Variants in PLCB1 observed in about 807,000 individuals in gnomAD.
The protein encoded by PLCB1 is 1-phosphatidylinositol 4,5-bisphosphate phosphodiesterase beta-1.
A neutral mutation model predicts 161.8 loss-of-function variants in PLCB1; 46 were observed. That is an observed-to-expected ratio of 0.28 (90% CI 0.22 to 0.36). The LOEUF (loss-of-function observed/expected upper bound fraction) is 0.36. Among genes scored for constraint, PLCB1 ranks in the 10% least tolerant of loss-of-function variants. The pLI is 1.00. For synonymous variants in PLCB1, 517 were observed against 503.7 expected, an observed-to-expected ratio of 1.03 and a Z score of -0.35; for missense variants, 1,016 against 1,472.5, an observed-to-expected ratio of 0.69 and a Z score of 5.07.
intron 25 of PLCB1, among the ~76,000 whole-genome samples, chr20:8,760,789 A>G (rs927147323): frequency 6.6e-6 from 1 of 152,218 alleles, no homozygotes; most frequent in Admixed American, 6.5e-5. Flanking sequence ...CCAATAATAA[A>G]CTATATTTTA....
At chr20:8,875,208 A>T (rs1009309150) in intron 31 of PLCB1, among the ~76,000 whole-genome samples, 2 of 150,818 alleles carry the variant, frequency 1.3e-5, no homozygotes, top group African/African-American at 4.8e-5. Flanking sequence ...ATCTAGATAA[A>T]GATATCTATA....
At chr20:8,762,989 A>G (rs1982123168) in intron 25 of PLCB1, among the ~76,000 whole-genome samples, 1 of 152,224 alleles carries the variant, frequency 6.6e-6, no homozygotes, top group Non-Finnish European at 1.5e-5. Context: ...CATGTGAACT[A>G]TGACTTGATC....
chr20:8,345,359 C>T (rs182918170), intron 2 of PLCB1, among the ~76,000 whole-genome samples: 111 of 152,218 alleles, frequency 7.3e-4, no homozygotes, highest in Admixed American at 5.8e-3. Flanking sequence ...ATGTCCTCAG[C>T]GAATGACCCT....
At chr20:8,758,628 A>C (rs1455167567) in intron 24 of PLCB1, among the ~76,000 whole-genome samples, 2 of 152,186 alleles carry the variant, frequency 1.3e-5, no homozygotes, top group African/African-American at 4.8e-5. Context: ...TAAGAAGATG[A>C]CGTTATAAAC....
chr20:8,812,030 A>G lies in PLCB1; in HGVS notation c.3423+21769A>G, dbSNP rs551709682. ...ATTAGCAAGTGAAAAATTTTGTAAAACAGGGATTACAAGAGAGGAAGGTAT... is the reference window on the plus strand; with the variant it reads ...ATTAGCAAGTGAAAAATTTTGTAAAGCAGGGATTACAAGAGAGGAAGGTAT... On this transcript the variant is annotated intron_variant, in intron 31 of 31. Transcript: ENST00000338037. Among the ~76,000 whole-genome samples the G allele has an allele frequency of 1.6e-4, 24 of 152,298 alleles. No homozygotes were observed. The South Asian group carries it at 4.8e-3, about 30-fold the overall frequency.
intron 31 of PLCB1, 143 bp from the exon 32 acceptor site, chr20:8,881,479 T>G (rs1456202185): frequency 1.5e-6 from 1 of 677,250 alleles, no homozygotes; most frequent in Non-Finnish European, 2.6e-6. Context: ...TTGTTACATC[T>G]CCTCTATAGG....
intron 3 of PLCB1, among the ~76,000 whole-genome samples, chr20:8,514,904 C>T (rs58294166): frequency 0.086 from 13,158 of 152,124 alleles, 631 homozygotes; most frequent in Middle Eastern, 0.12. Context: ...TAATATTCAT[C>T]TCCAGGAGTT....
intron 10 of PLCB1, among the ~76,000 whole-genome samples, chr20:8,690,271 A>T (rs1295990265): frequency 6.6e-6 from 1 of 151,972 alleles, no homozygotes; most frequent in Admixed American, 6.6e-5. Flanking sequence ...AAAAGCCAAT[A>T]CACTGAGAAC....
intron 4 of PLCB1, among the ~76,000 whole-genome samples, chr20:8,636,733 G>A (rs111800977): frequency 3.3e-5 from 5 of 152,216 alleles, no homozygotes; most frequent in African/African-American, 1.2e-4. Context: ...GTGCTCAATG[G>A]TGCCCACATA....
intron 3 of PLCB1, among the ~76,000 whole-genome samples, chr20:8,374,125 T>A (rs998571938): frequency 6.6e-6 from 1 of 152,106 alleles, no homozygotes; most frequent in Non-Finnish European, 1.5e-5. Context: ...TGAATTGTAA[T>A]TCCCATCATC....
At chr20:8,200,441 T>A (rs1008692) in intron 2 of PLCB1, among the ~76,000 whole-genome samples, 33,428 of 151,990 alleles carry the variant, frequency 0.22, 3,849 homozygotes, top group African/African-American at 0.28. Flanking sequence ...TATTTATCAA[T>A]GTAACTAACT....
intron 2 of PLCB1, among the ~76,000 whole-genome samples, chr20:8,213,039 C>A (rs1174624281): frequency 6.6e-6 from 1 of 151,976 alleles, no homozygotes. Flanking sequence ...CTTCAGGTAC[C>A]TTTGAGATTG....
intron 31 of PLCB1, among the ~76,000 whole-genome samples, chr20:8,874,296 T>C (rs1223597927): frequency 6.6e-6 from 1 of 150,568 alleles, no homozygotes; most frequent in African/African-American, 2.4e-5. Context: ...AATAAAATAA[T>C]TGAAAATGTC....
At chr20:8,679,582 C>T (rs561016682) in intron 9 of PLCB1, among the ~76,000 whole-genome samples, 25 of 152,280 alleles carry the variant, frequency 1.6e-4, no homozygotes, top group African/African-American at 5.8e-4. Flanking sequence ...GGTATCATTA[C>T]GTCATAGCAG....
Position 8,715,248 on chromosome 20 carries a change from C to T in PLCB1, c.1251-1016C>T, listed in dbSNP as rs188991582. Reference sequence around the variant, plus strand: ...CACGAAATGAGAAAAAAAATTATTGCTTTTTGAAAGGTCAAGGGAAGCAGT... The same window carrying T: ...CACGAAATGAGAAAAAAAATTATTGTTTTTTGAAAGGTCAAGGGAAGCAGT... On this transcript the variant is annotated intron_variant, in intron 12 of 31. Transcript: ENST00000338037. Among the ~76,000 whole-genome samples the T allele has an allele frequency of 1.3e-3, 199 of 152,276 alleles. 1 individual carries two copies. Among genetic ancestry groups the T allele is most frequent in the African/African-American group, 4.4e-3 (183 of 41,566 alleles).
chr20:8,657,976 TCATATATTTACTGAA>T (rs1989511832), intron 8 of PLCB1, among the ~76,000 whole-genome samples: 2 of 152,158 alleles, frequency 1.3e-5, no homozygotes, highest in South Asian at 4.1e-4. Context: ...TTCATTGCCA[TCATATATTTACTGAA>T]CATCTGCAAC....
intron 3 of PLCB1, among the ~76,000 whole-genome samples, chr20:8,550,416 G>A (rs1985734974): frequency 1.3e-5 from 2 of 152,064 alleles, no homozygotes; most frequent in Non-Finnish European, 2.9e-5. Context: ...TCACGGTAGT[G>A]AGTGAGTTCT....
intron 4 of PLCB1, among the ~76,000 whole-genome samples, chr20:8,633,318 A>T (rs1988658721): frequency 6.6e-6 from 1 of 152,150 alleles, no homozygotes; most frequent in Non-Finnish European, 1.5e-5. Context: ...TTTTGTTTAG[A>T]AGTATATAGC....
At chr20:8,704,724 C>T (rs1483708935) in intron 11 of PLCB1, among the ~76,000 whole-genome samples, 1 of 152,146 alleles carries the variant, frequency 6.6e-6, no homozygotes, top group East Asian at 1.9e-4. Context: ...TTAGTCTGGA[C>T]TGTCTCTATC....
Sources: allele counts gnomAD v4.1 joint callset (sites outside exome capture counted in the v4.1 genomes callset), GRCh38; gene constraint gnomAD v4.1.1; transcripts MANE v1.5; gene names NCBI Gene and HGNC (gene_info 2026-07-23, HGNC 2026-07-21).